The following PLSCR4 variants were observed in gnomAD, a reference collection of about 807,000 sequenced individuals.
PLSCR4 encodes the protein Ca(2+)-dependent phospholipid scramblase 4.
PLSCR4 carries 25 observed loss-of-function variants against 36.3 expected under a neutral mutation model. The observed-to-expected ratio is 0.69, with a 90% CI of 0.50 to 0.96. The LOEUF (loss-of-function observed/expected upper bound fraction) is 0.96. PLSCR4 is among the 40% of genes least tolerant of loss of function. The probability of loss-of-function intolerance (pLI) is 0.00; values close to 1 mark genes in which losing one functional copy is unlikely to be tolerated. For synonymous variants in PLSCR4, 122 were observed against 132.9 expected, an observed-to-expected ratio of 0.92 and a Z score of 0.56; for missense variants, 408 against 414.7, an observed-to-expected ratio of 0.98 and a Z score of 0.14.
At chr3:146,200,357 TAAA>T (rs557194624) in intron 5 of PLSCR4, among the ~76,000 whole-genome samples, 15 of 152,042 alleles carry the variant, frequency 9.9e-5, no homozygotes, top group African/African-American at 3.1e-4. Flanking sequence ...TAAAACCATT[TAAA>T]AAAATTATAC....
At chr3:146,221,656 TTC>T (rs2035146676) in intron 2 of PLSCR4, among the ~76,000 whole-genome samples, 1 of 152,222 alleles carries the variant, frequency 6.6e-6, no homozygotes, top group Non-Finnish European at 1.5e-5. Flanking sequence ...AATGTGGTTT[TTC>T]TCTCTTTATG....
chr3:146,234,316 A>T (rs1337173277), intron 1 of PLSCR4, among the ~76,000 whole-genome samples: 1 of 152,192 alleles, frequency 6.6e-6, no homozygotes, highest in Non-Finnish European at 1.5e-5. Context: ...TGGCTTGAGC[A>T]GGGGAATGAG....
Position 146,195,146 on chromosome 3 carries a change from A to C in PLSCR4, c.923T>G (p.Ile308Ser). ...TACAATGAGGAAGCAAGCTCCAAAA[A>C]TCATGGCTTTCATCTTCACATCCAG... ...LDLDVKMKAM[I>S]FGACFLIDFM... The change falls in exon 8 of 9, where the codon ATT becomes AGT. Residue 308 changes from isoleucine to serine, a missense_variant. Transcript: ENST00000354952. 1 of 1,613,880 alleles carries C rather than the reference A, an allele frequency of 6.2e-7. No homozygotes were observed. The highest frequency in any genetic ancestry group is 8.5e-7 in the Non-Finnish European group (1 of 1,179,852).
rs758777310 is a variant in PLSCR4 at position 146,195,320 on chromosome 3, C to T, written c.787-38G>A. The T allele has an allele frequency of 2.5e-5, 38 of 1,525,388 alleles. No homozygotes were observed. The Middle Eastern group carries it at 5.1e-4, about 21-fold the overall frequency. The allele number at this position is 1,525,388 out of a possible 1,614,324, so 94.5% of individuals were successfully genotyped here. ...GAATGTGCCTTTATGATGATTGAAA[C>T]GCATTGAAGCATGTTTTAATGTTCT... On this transcript the variant is annotated intron_variant, in intron 7 of 8. Transcript: ENST00000354952.
chr3:146,200,785 T>C (rs1393737366), intron 5 of PLSCR4, among the ~76,000 whole-genome samples: 1 of 152,064 alleles, frequency 6.6e-6, no homozygotes, highest in African/African-American at 2.4e-5. Flanking sequence ...ATGGGTAAAG[T>C]GTAGGGCTAT....
At chr3:146,207,928 A>C (rs1269082183) in intron 3 of PLSCR4, among the ~76,000 whole-genome samples, 2 of 152,150 alleles carry the variant, frequency 1.3e-5, no homozygotes, top group African/African-American at 4.8e-5. Context: ...TAGAAAAAAC[A>C]ATCCTAAAAT....
chr3:146,238,204 CAA>C (rs112050827), intron 1 of PLSCR4, among the ~76,000 whole-genome samples: 1 of 141,944 alleles, frequency 7.0e-6, no homozygotes. Context: ...AAACTTCCCA[CAA>C]AAAAAAAAAC....
chr3:146,217,749 G>A (rs1348933685), intron 3 of PLSCR4, among the ~76,000 whole-genome samples: 1 of 152,170 alleles, frequency 6.6e-6, no homozygotes, highest in East Asian at 1.9e-4. Flanking sequence ...GAGTTTAGAA[G>A]CAAGATAACA....
chr3:146,192,612 T>C lies in PLSCR4; in HGVS notation c.*1799A>G, dbSNP rs2033452754. 1 of 151,788 alleles carries C rather than the reference T, an allele frequency of 6.6e-6. No homozygotes were observed. The highest frequency in any genetic ancestry group is 1.5e-5 in the Non-Finnish European group (1 of 67,916). The allele number at this position is 151,788 out of a possible 1,614,324, so 9.4% of individuals were successfully genotyped here. ...GCTAAATATATATAGATATATTTAT[T>C]ATGATGCAGCAGGTTTTGGAATACA... On this transcript the variant is annotated 3_prime_UTR_variant, in exon 9 of 9. Transcript: ENST00000354952.
intron 3 of PLSCR4, 115 bp from the exon 4 acceptor site, chr3:146,206,876 A>G: frequency 1.5e-6 from 1 of 678,840 alleles, no homozygotes; most frequent in Non-Finnish European, 2.5e-6. Flanking sequence ...AACTTGTTCC[A>G]TTTTTGATTC....
chr3:146,226,390 C>A (rs1279568359), intron 1 of PLSCR4, among the ~76,000 whole-genome samples: 1 of 152,132 alleles, frequency 6.6e-6, no homozygotes, highest in Admixed American at 6.5e-5. Context: ...GGATTGCAAA[C>A]TATCAAGGAG....
chr3:146,238,383 G>A (rs560777942), intron 1 of PLSCR4, among the ~76,000 whole-genome samples: 1 of 151,936 alleles, frequency 6.6e-6, no homozygotes, highest in South Asian at 2.1e-4. Context: ...GAAGAATACT[G>A]ACACAAAAAT....
chr3:146,222,462 A>C (rs191958081), intron 1 of PLSCR4: 1 of 154,540 alleles, frequency 6.5e-6, no homozygotes, highest in Admixed American at 6.5e-5. Flanking sequence ...GAGTCAGGGA[A>C]AGCCTGTCTC....
Position 146,196,689 on chromosome 3 carries a change from C to T in PLSCR4, c.729G>A (p.Val243=). The T allele has an allele frequency of 1.9e-6, 3 of 1,614,012 alleles. No individual in the cohort carries two copies. The highest frequency in any genetic ancestry group is 2.5e-6 in the Non-Finnish European group (3 of 1,179,926). Residue 243 remains valine (V), a synonymous_variant, in exon 7 of 9, where the codon GTG becomes GTA. Coordinates refer to ENST00000354952, the MANE Select transcript of PLSCR4 (RefSeq NM_020353.3). ...YSIQNEKKEN[V]MRVRGPCSTY... is the part of the protein sequence containing the mutation. ...TTGAGCATGGCCCACGAACTCTCAT[C>T]ACATTTTCTTTCTTCTCATTTTGGA...
chr3:146,243,000 A>T (rs762942197), intron 1 of PLSCR4, among the ~76,000 whole-genome samples: 8 of 152,188 alleles, frequency 5.3e-5, no homozygotes, highest in Non-Finnish European at 1.2e-4. Flanking sequence ...AAAGGCTTTA[A>T]TCCCAAAACA....
At chr3:146,198,228 T>C (rs934957960) in intron 6 of PLSCR4, among the ~76,000 whole-genome samples, 4 of 152,100 alleles carry the variant, frequency 2.6e-5, no homozygotes, top group Non-Finnish European at 5.9e-5. Flanking sequence ...TTGGTGATGA[T>C]GGAACTGTTT....
chr3:146,244,789 T>G (rs1410546443), intron 1 of PLSCR4, among the ~76,000 whole-genome samples: 1 of 152,076 alleles, frequency 6.6e-6, no homozygotes, highest in Non-Finnish European at 1.5e-5. Context: ...TTCGTGCATC[T>G]CTCACTTTAA....
Position 146,192,890 on chromosome 3 carries a change from G to A in PLSCR4, c.*1521C>T, listed in dbSNP as rs1202691465. 2.0e-5 allele frequency: 3 copies of A among 151,854 alleles called. No individual in the cohort carries two copies. Among genetic ancestry groups the A allele is most frequent in the Admixed American group, 6.6e-5 (1 of 15,250 alleles). 9.4% of individuals were successfully genotyped at this position (151,854 alleles called of 1,614,324 possible). ...AAACTCAGAAAAACAAATTTACCCT[G>A]AAAAGATGAATATAATTAAAAAACA... On this transcript the variant is annotated 3_prime_UTR_variant, in exon 9 of 9. Transcript: ENST00000354952.
intron 1 of PLSCR4, among the ~76,000 whole-genome samples, chr3:146,235,778 A>G (rs1357843696): frequency 6.6e-6 from 1 of 152,172 alleles, no homozygotes; most frequent in African/African-American, 2.4e-5. Context: ...GAAGTCCAGG[A>G]TGATGCAGTC....
Sources: gnomAD v4.1 joint callset for allele counts (sites outside exome capture counted in the v4.1 genomes callset) on GRCh38, gnomAD v4.1.1 for gene constraint, MANE v1.5 for transcripts, NCBI Gene and HGNC (gene_info 2026-07-23, HGNC 2026-07-21) for gene names.